The following PRKN variants were observed in gnomAD, a reference collection of about 807,000 sequenced individuals.
PRKN encodes the protein parkin RBR E3 ubiquitin protein ligase.
Under a neutral mutation model 59.5 loss-of-function variants are expected in PRKN, and 56 were observed. The ratio of observed to expected loss-of-function variants is 0.94; its 90% CI spans 0.76 to 1.18. The LOEUF (loss-of-function observed/expected upper bound fraction) is 1.18, where lower values mean the gene tolerates loss of function less well. Among genes scored for constraint, PRKN ranks in the 50% most tolerant of loss-of-function variants. The pLI is 0.00. For synonymous variants in PRKN, 250 were observed against 222.1 expected (o/e 1.13, Z -1.12); for missense variants, 657 against 596.4 (o/e 1.10, Z -1.06).
intron 6 of PRKN, among the ~76,000 whole-genome samples, chr6:161,885,053 C>T (rs1484690875): frequency 6.6e-6 from 1 of 151,092 alleles, no homozygotes; most frequent in South Asian, 2.1e-4. Flanking sequence ...TAGTTCTAGA[C>T]CTACTGCATC....
chr6:161,923,620 T>C (rs1322044908), intron 6 of PRKN, among the ~76,000 whole-genome samples: 2 of 152,218 alleles, frequency 1.3e-5, no homozygotes, highest in African/African-American at 4.8e-5. Flanking sequence ...TACTTACATA[T>C]AATGAATATA....
At chr6:162,239,972 A>AC (rs1778916555) in intron 3 of PRKN, among the ~76,000 whole-genome samples, 1 of 152,164 alleles carries the variant, frequency 6.6e-6, no homozygotes, top group African/African-American at 2.4e-5. Flanking sequence ...CATGAGTACT[A>AC]CTTCCCCATA....
At chr6:161,631,153 T>C (rs1334623507) in intron 7 of PRKN, among the ~76,000 whole-genome samples, 1 of 152,190 alleles carries the variant, frequency 6.6e-6, no homozygotes. Context: ...AACTCTGCCG[T>C]AGCAGACAGG....
At chr6:161,572,705 T>G (rs1477208442) in intron 7 of PRKN, among the ~76,000 whole-genome samples, 1 of 149,788 alleles carries the variant, frequency 6.7e-6, no homozygotes, top group African/African-American at 2.5e-5. Context: ...GTGAATATTT[T>G]ACTGGAAAAC....
chr6:161,556,712 G>A (rs1780251991), intron 8 of PRKN, among the ~76,000 whole-genome samples: 2 of 152,096 alleles, frequency 1.3e-5, no homozygotes, highest in South Asian at 4.2e-4. Context: ...TGGTTCCAAG[G>A]GCTTTTTTAC....
chr6:161,816,403 A>G (rs1791782247), intron 6 of PRKN, among the ~76,000 whole-genome samples: 1 of 152,008 alleles, frequency 6.6e-6, no homozygotes, highest in African/African-American at 2.4e-5. Context: ...ACCTGAGGCA[A>G]TTGTGGGGGT....
chr6:162,384,572 T>C (rs965539024), intron 2 of PRKN, among the ~76,000 whole-genome samples: 1 of 148,668 alleles, frequency 6.7e-6, no homozygotes, highest in African/African-American at 2.5e-5. Flanking sequence ...AGAGATAGAG[T>C]GAGCACATGT....
At chr6:162,584,088 C>T (rs112469274) in intron 1 of PRKN, among the ~76,000 whole-genome samples, 3,120 of 152,092 alleles carry the variant, frequency 0.021, 106 homozygotes, top group African/African-American at 0.07. Context: ...TGGCAGATGC[C>T]TGTGGTCCCA....
chr6:162,322,341 G>A (rs962385175), intron 2 of PRKN, among the ~76,000 whole-genome samples: 2 of 152,020 alleles, frequency 1.3e-5, no homozygotes, highest in Non-Finnish European at 2.9e-5. Flanking sequence ...TCTGGAATTG[G>A]AAGACGTAAC....
At chr6:162,338,136 T>C (rs1471279651) in intron 2 of PRKN, among the ~76,000 whole-genome samples, 1 of 152,162 alleles carries the variant, frequency 6.6e-6, no homozygotes, top group Non-Finnish European at 1.5e-5. Context: ...TGCTCCTGAC[T>C]TCAAGGTTCT....
intron 6 of PRKN, among the ~76,000 whole-genome samples, chr6:161,794,652 G>A (rs1318305083): frequency 3.3e-5 from 5 of 151,852 alleles, no homozygotes; most frequent in African/African-American, 4.8e-5. Context: ...TCCCATTCAC[G>A]AATCCCTCTG....
chr6:162,437,112 T>TA lies in PRKN; in HGVS notation c.171+6197dup, dbSNP rs529498010. 5.2e-3 allele frequency among the ~76,000 whole-genome samples: 735 copies of TA among 141,126 alleles called. 4 individuals are homozygous for TA. The highest frequency in any genetic ancestry group is 0.018 in the African/African-American group (697 of 37,932). 92.6% of individuals were successfully genotyped at this position (141,126 alleles called of 152,430 possible). A position where few individuals can be genotyped will look rare whatever the true frequency, so the allele number is the denominator to read the frequency against. ...GTCTCAAAAAAAATAAATAAATAAA[T>TA]AAAAAAAGGCTTCAAGAAAGAGGCA... On this transcript the variant is annotated intron_variant, in intron 2 of 11. Transcript: ENST00000366898.
At chr6:161,800,026 G>C (rs1201611944) in intron 6 of PRKN, among the ~76,000 whole-genome samples, 11 of 152,178 alleles carry the variant, frequency 7.2e-5, no homozygotes, top group Non-Finnish European at 4.4e-5. Flanking sequence ...GACATACTCA[G>C]GAATTCAGCG....
intron 1 of PRKN, among the ~76,000 whole-genome samples, chr6:162,703,216 C>T (rs1394465626): frequency 6.6e-6 from 1 of 152,142 alleles, no homozygotes; most frequent in Non-Finnish European, 1.5e-5. Flanking sequence ...ACAGAGAGTT[C>T]ATTTCTGACA....
intron 9 of PRKN, among the ~76,000 whole-genome samples, chr6:161,469,839 C>A (rs1790693574): frequency 6.6e-6 from 1 of 152,136 alleles, no homozygotes; most frequent in Non-Finnish European, 1.5e-5. Flanking sequence ...TTTACAGCAA[C>A]CACTGGAAAC....
At chr6:161,623,948 T>G (rs1207515750) in intron 7 of PRKN, among the ~76,000 whole-genome samples, 1 of 152,222 alleles carries the variant, frequency 6.6e-6, no homozygotes, top group South Asian at 2.1e-4. Context: ...TAAAGGGTCA[T>G]CTAATATTTG....
chr6:161,903,617 A>G (rs750847071), intron 6 of PRKN, among the ~76,000 whole-genome samples: 2 of 152,030 alleles, frequency 1.3e-5, no homozygotes, highest in African/African-American at 2.4e-5. Context: ...GACAGAGGAC[A>G]TGAGCTCATA....
In PRKN at chr6:161,646,087, G is replaced by A. The variant is rs111823889; in HGVS notation, c.872-76671C>T. On this transcript the variant is annotated intron_variant, in intron 7 of 11. Coordinates refer to ENST00000366898, the MANE Select transcript of PRKN (RefSeq NM_004562.3). The stretch of plus-strand genomic sequence containing the variant: ...CAGTGACAGTGGTGACTGCGTGTGC[G>A]TGCGTGGCGGAGGAGGCGGCGTATC... Among the ~76,000 whole-genome samples, 21 of 91,062 alleles carry A rather than the reference G, an allele frequency of 2.3e-4. 2 individuals carry two copies. Among genetic ancestry groups the A allele is most frequent in the East Asian group, 1.5e-3 (5 of 3,378 alleles). 59.7% of individuals were successfully genotyped at this position (91,062 alleles called of 152,430 possible).
intron 1 of PRKN, among the ~76,000 whole-genome samples, chr6:162,664,900 G>T (rs1779037007): frequency 6.6e-6 from 1 of 152,022 alleles, no homozygotes; most frequent in Admixed American, 6.6e-5. Flanking sequence ...GATCCCATTT[G>T]TCAATCTGGC....
Sources: gnomAD v4.1 joint callset for allele counts (sites outside exome capture counted in the v4.1 genomes callset) on GRCh38, gnomAD v4.1.1 for gene constraint, MANE v1.5 for transcripts, NCBI Gene and HGNC (gene_info 2026-07-23, HGNC 2026-07-21) for gene names.